The following PLCG2 variants were observed in gnomAD, a reference collection of about 807,000 sequenced individuals.
PLCG2 encodes the protein 1-phosphatidylinositol 4,5-bisphosphate phosphodiesterase gamma-2.
A neutral mutation model predicts 175.6 loss-of-function variants in PLCG2; 69 were observed. That is an observed-to-expected ratio of 0.39 (90% CI 0.32 to 0.48). The LOEUF (loss-of-function observed/expected upper bound fraction) is 0.48, where lower values mean the gene tolerates loss of function less well. Ranked by LOEUF, PLCG2 falls within the 20% of genes least tolerant of loss-of-function variation. The pLI is 0.91. For missense variants in PLCG2, 1,798 were observed against 1,650.9 expected, an observed-to-expected ratio of 1.09 and a Z score of -1.54; for synonymous variants, 827 against 624.0, an observed-to-expected ratio of 1.33 and a Z score of -4.85.
At chr16:81,823,407 C>A (rs983339357) in intron 2 of PLCG2, among the ~76,000 whole-genome samples, 5 of 152,184 alleles carry the variant, frequency 3.3e-5, no homozygotes, top group Non-Finnish European at 7.3e-5. Flanking sequence ...CCACCCCTCG[C>A]CCCATGAGAG....
At chr16:81,941,949 C>G (rs1464874459) in intron 30 of PLCG2, among the ~76,000 whole-genome samples, 1 of 152,180 alleles carries the variant, frequency 6.6e-6, no homozygotes, top group Non-Finnish European at 1.5e-5. Context: ...AAACCCGGCA[C>G]TGATCAGGGC....
intron 7 of PLCG2, 47 bp downstream of exon 7, chr16:81,870,982 A>G (rs1254254386): frequency 5.6e-6 from 6 of 1,063,796 alleles, no homozygotes; most frequent in Non-Finnish European, 5.7e-6. Flanking sequence ...TCTGTTTTCC[A>G]TGTATTTCCA....
rs535715020 is a variant in PLCG2 at position 81,854,573 on chromosome 16, C to T, written c.323C>T (p.Thr108Met). 1.1e-4 allele frequency: 178 copies of T among 1,613,906 alleles called. 4 individuals carry two copies. In the South Asian group the frequency reaches 1.4e-3, roughly 13 times the overall value. Residue 108 changes from threonine (T) to methionine (M), a missense_variant, in exon 3 of 33, where the codon ACG becomes ATG. Coordinates refer to ENST00000564138, the MANE Select transcript of PLCG2 (RefSeq NM_002661.5). ...TATGGCACTCAGTTCGTCCTCAGCA[C>T]GCTCAGCTTGGCAGGTAGGTGCATG... Reference protein sequence around the residue: ...ILYGTQFVLSTLSLAADSKED... With the variant: ...ILYGTQFVLSMLSLAADSKED...
At chr16:81,927,204 A>G (rs1000324202) in intron 23 of PLCG2, 26 bp downstream of exon 23, 2 of 1,505,610 alleles carry the variant, frequency 1.3e-6, no homozygotes, top group African/African-American at 2.8e-5. Context: ...CGATCCTCTT[A>G]CAGGAAGAAG....
chr16:81,827,137 G>A (rs954589750), intron 2 of PLCG2, among the ~76,000 whole-genome samples: 5 of 152,092 alleles, frequency 3.3e-5, no homozygotes, highest in African/African-American at 4.8e-5. Flanking sequence ...GCCCCTCAAC[G>A]GGATGTGTGG....
chr16:81,871,020 A>G (rs950181520), intron 7 of PLCG2, 85 bp downstream of exon 7: 4 of 697,022 alleles, frequency 5.7e-6, no homozygotes, highest in African/African-American at 5.5e-5. Flanking sequence ...AGAAACCCAC[A>G]AGAAGTGTTG....
chr16:81,928,850 T>A (rs1910386782), intron 24 of PLCG2: 2 of 479,042 alleles, frequency 4.2e-6, no homozygotes, highest in African/African-American at 3.8e-5. Context: ...GTCTCGTACA[T>A]AAGTGCTAGA....
intron 7 of PLCG2, among the ~76,000 whole-genome samples, chr16:81,878,377 C>G (rs1320014745): frequency 6.6e-6 from 1 of 152,100 alleles, no homozygotes; most frequent in Non-Finnish European, 1.5e-5. Context: ...TTGCAAAGAC[C>G]CTAATTCCAA....
At chr16:81,902,423 T>G (rs1909190034) in intron 14 of PLCG2, among the ~76,000 whole-genome samples, 1 of 152,208 alleles carries the variant, frequency 6.6e-6, no homozygotes, top group South Asian at 2.1e-4. Context: ...GGCTGCCGAC[T>G]TCTAGTTGTG....
intron 1 of PLCG2, among the ~76,000 whole-genome samples, chr16:81,749,385 C>G (rs1003158433): frequency 1.1e-4 from 16 of 152,122 alleles, no homozygotes; most frequent in African/African-American, 3.6e-4. Context: ...GTCTCATTCA[C>G]TCTGTCATCC....
rs1341299297 is a variant in PLCG2 at position 81,853,552 on chromosome 16, C to G, written c.194-892C>G. ...TTAGATTCCAATAAGGACCACACAA[C>G]CTGGATCCCTCGCATGCGTAGTTCA... is the stretch of plus-strand genomic sequence containing the variant. On this transcript the variant is annotated intron_variant, in intron 2 of 32. Coordinates refer to ENST00000564138, the MANE Select transcript of PLCG2 (RefSeq NM_002661.5). Among the ~76,000 whole-genome samples, 3 of 152,194 alleles carry G rather than the reference C, an allele frequency of 2.0e-5. No individual in the cohort carries two copies. In the South Asian group the frequency reaches 6.2e-4, roughly 32 times the overall value.
intron 7 of PLCG2, among the ~76,000 whole-genome samples, chr16:81,872,205 G>A (rs140662374): frequency 1.6e-4 from 25 of 152,234 alleles, no homozygotes; most frequent in South Asian, 8.3e-4. Context: ...GTGTGCACCC[G>A]TAATCCCAGC....
intron 2 of PLCG2, among the ~76,000 whole-genome samples, chr16:81,798,069 G>A (rs1277732401): frequency 6.6e-6 from 1 of 152,122 alleles, no homozygotes; most frequent in Non-Finnish European, 1.5e-5. Context: ...GACCTCAAGT[G>A]ATCTGCCTGC....
intron 14 of PLCG2, among the ~76,000 whole-genome samples, chr16:81,901,297 A>T (rs61501292): frequency 3.9e-5 from 6 of 152,154 alleles, no homozygotes; most frequent in African/African-American, 1.4e-4. Flanking sequence ...TGCAGGGGAG[A>T]TGGGTGATTA....
At chr16:81,790,284 G>T in intron 2 of PLCG2, among the ~76,000 whole-genome samples, 1 of 152,178 alleles carries the variant, frequency 6.6e-6, no homozygotes, top group Non-Finnish European at 1.5e-5. Context: ...GAGGGGAGTA[G>T]GGTCCATTCT....
At chr16:81,907,891 G>T in intron 16 of PLCG2, 117 bp downstream of exon 16, 2 of 665,448 alleles carry the variant, frequency 3.0e-6, no homozygotes, top group Non-Finnish European at 2.6e-6. Flanking sequence ...GGGATGCTCC[G>T]CTGAAGAAGC....
intron 2 of PLCG2, among the ~76,000 whole-genome samples, chr16:81,794,472 G>T (rs1349862793): frequency 1.3e-5 from 2 of 152,278 alleles, no homozygotes; most frequent in Admixed American, 1.3e-4. Context: ...AATGCCTGAA[G>T]TGTCCATAAA....
intron 9 of PLCG2, chr16:81,883,613 T>C: frequency 2.0e-6 from 1 of 498,960 alleles, no homozygotes; most frequent in South Asian, 2.1e-5. Context: ...ACTGAGAAGA[T>C]GGCAGGGCAG....
Position 81,960,618 on chromosome 16 carries a change from G to A in PLCG2, c.*2620G>A, listed in dbSNP as rs115424998. 728 of 231,042 alleles carry A rather than the reference G, an allele frequency of 3.2e-3. 7 individuals are homozygous for A. Among genetic ancestry groups the A allele is most frequent in the African/African-American group, 0.015 (689 of 45,336 alleles). The allele number at this position is 231,042 out of a possible 1,614,324, so 14.3% of individuals were successfully genotyped here. A position where few individuals can be genotyped will look rare whatever the true frequency, so the allele number is the denominator to read the frequency against. ...GTAGAGGGTCTTGTTTTCCAAATTCGATCTCAGAATCTTTTTGCCAGAAGT... is the reference window on the plus strand; with the variant it reads ...GTAGAGGGTCTTGTTTTCCAAATTCAATCTCAGAATCTTTTTGCCAGAAGT... On this transcript the variant is annotated 3_prime_UTR_variant, in exon 33 of 33. Coordinates refer to ENST00000564138, the MANE Select transcript of PLCG2 (RefSeq NM_002661.5).
Sources: gnomAD v4.1 joint callset for allele counts (sites outside exome capture counted in the v4.1 genomes callset) on GRCh38, gnomAD v4.1.1 for gene constraint, MANE v1.5 for transcripts, NCBI Gene and HGNC (gene_info 2026-07-23, HGNC 2026-07-21) for gene names.